ELN: variants seen among roughly 807,000 people sequenced by gnomAD.
The protein encoded by ELN is elastin, also known as tropoelastin.
Under a neutral mutation model 105.8 loss-of-function variants are expected in ELN, and 65 were observed. The ratio of observed to expected loss-of-function variants is 0.61; its 90% CI spans 0.50 to 0.75. ELN has a LOEUF of 0.75. Ranked by LOEUF, ELN falls within the 30% of genes least tolerant of loss-of-function variation. The probability of loss-of-function intolerance (pLI) is 0.00; values close to 1 mark genes in which losing one functional copy is unlikely to be tolerated. For synonymous variants in ELN, 368 were observed against 389.2 expected, an observed-to-expected ratio of 0.95 and a Z score of 0.64; for missense variants, 882 against 969.4, an observed-to-expected ratio of 0.91 and a Z score of 1.20.
At chr7:74,066,897 C>A in intron 32 of ELN, 121 bp downstream of exon 32, 1 of 1,069,536 alleles carries the variant, frequency 9.3e-7, no homozygotes, top group Non-Finnish European at 1.4e-6. Flanking sequence ...ACCCCACAGC[C>A]TCAGGTCACA....
At chr7:74,054,265 C>T (rs1031465389) in intron 18 of ELN, among the ~76,000 whole-genome samples, 1 of 151,966 alleles carries the variant, frequency 6.6e-6, no homozygotes. Flanking sequence ...GTGAGGAGTT[C>T]GAGACCAGCC....
chr7:74,061,155 A>G lies in ELN; in HGVS notation c.1786+16A>G, dbSNP rs782607519. ...GCCAAATATGGTGAGTGCACCCCACAACCACTTGTGGCTCCCTTGCCACCA... is the reference window on the plus strand; with the variant it reads ...GCCAAATATGGTGAGTGCACCCCACGACCACTTGTGGCTCCCTTGCCACCA... On this transcript the variant is annotated intron_variant, in intron 26 of 32. Coordinates refer to ENST00000252034, the MANE Select transcript of ELN (RefSeq NM_000501.4). The G allele has an allele frequency of 2.9e-5, 47 of 1,613,920 alleles. No homozygotes were observed. The highest frequency in any genetic ancestry group is 4.0e-5 in the Non-Finnish European group (47 of 1,180,016).
At chr7:74,038,152 G>A in intron 4 of ELN, 2 of 323,166 alleles carry the variant, frequency 6.2e-6, no homozygotes, top group Admixed American at 8.1e-5. Context: ...GACTTCCCCT[G>A]AGTGGTCCCC....
At chr7:74,055,211 A>G (rs1466620142) in intron 19 of ELN, among the ~76,000 whole-genome samples, 2 of 152,200 alleles carry the variant, frequency 1.3e-5, no homozygotes, top group Admixed American at 6.5e-5. Flanking sequence ...AGACCAAGGT[A>G]GGAGGATTGC....
intron 10 of ELN, 25 bp downstream of exon 10, chr7:74,045,318 C>T: frequency 1.9e-6 from 3 of 1,613,302 alleles, no homozygotes; most frequent in Non-Finnish European, 2.5e-6. Flanking sequence ...GGACAGAGGG[C>T]TGATGGCAGG....
chr7:74,040,353 G>A (rs909366978), intron 4 of ELN, among the ~76,000 whole-genome samples: 1 of 152,210 alleles, frequency 6.6e-6, no homozygotes, highest in African/African-American at 2.4e-5. Flanking sequence ...ACTCCCGCCC[G>A]GAGGCAAAGA....
chr7:74,029,897 G>A (rs1456816214), intron 1 of ELN, among the ~76,000 whole-genome samples: 1 of 152,224 alleles, frequency 6.6e-6, no homozygotes, highest in Non-Finnish European at 1.5e-5. Flanking sequence ...GTCCCCGGGG[G>A]TTAGTATCAG....
chr7:74,044,879 C>T (rs964975023), intron 9 of ELN, among the ~76,000 whole-genome samples: 12 of 152,170 alleles, frequency 7.9e-5, no homozygotes, highest in Admixed American at 2.0e-4. Context: ...CCCTGGTCTA[C>T]GGGCGAGTGG....
At chr7:74,037,789 G>A (rs1369167654) in intron 4 of ELN, 50 bp downstream of exon 4, 7 of 1,599,290 alleles carry the variant, frequency 4.4e-6, no homozygotes, top group East Asian at 2.2e-5. Flanking sequence ...GAGCTGGGGA[G>A]GGAGGAGCCT....
At chr7:74,051,598 G>T in intron 15 of ELN, 152 bp from the exon 16 acceptor site, 1 of 713,870 alleles carries the variant, frequency 1.4e-6, no homozygotes, top group Non-Finnish European at 2.4e-6. Context: ...GGAGTGGGGT[G>T]GGGGCCTCCC....
At chr7:74,057,981 C>G (rs1795692251) in intron 22 of ELN, among the ~76,000 whole-genome samples, 1 of 152,110 alleles carries the variant, frequency 6.6e-6, no homozygotes, top group South Asian at 2.1e-4. Context: ...TGAGCTCCAG[C>G]TCCCCTTGAG....
intron 19 of ELN, among the ~76,000 whole-genome samples, chr7:74,055,947 C>T (rs553117649): frequency 3.3e-5 from 5 of 150,926 alleles, no homozygotes; most frequent in South Asian, 2.1e-4. Flanking sequence ...CCACCACGCC[C>T]GGCTAATTTT....
chr7:74,056,499 C>T, intron 20 of ELN, 64 bp downstream of exon 20: 4 of 1,611,522 alleles, frequency 2.5e-6, no homozygotes, highest in Middle Eastern at 1.7e-4. Context: ...GTCTGCTCGG[C>T]TCTGCAGGGG....
At chr7:74,029,297 C>T (rs571081515) in intron 1 of ELN, among the ~76,000 whole-genome samples, 2 of 152,224 alleles carry the variant, frequency 1.3e-5, no homozygotes, top group South Asian at 4.2e-4. Context: ...GTGGCTGAGA[C>T]AGAGGCTGGA....
chr7:74,044,067 A>G (rs1791889736), intron 9 of ELN, 147 bp downstream of exon 9: 1 of 1,100,740 alleles, frequency 9.1e-7, no homozygotes. Flanking sequence ...GCATCATAGT[A>G]AGGCCCTCGT....
At chr7:74,052,523 T>C (rs181043974) in intron 17 of ELN, 110 of 188,998 alleles carry the variant, frequency 5.8e-4, no homozygotes, top group Non-Finnish European at 9.7e-4. Flanking sequence ...AGTTCAAGGC[T>C]GCAGTGAGCT....
intron 12 of ELN, among the ~76,000 whole-genome samples, chr7:74,047,060 G>T (rs532643844): frequency 1.3e-5 from 2 of 152,056 alleles, no homozygotes; most frequent in South Asian, 4.2e-4. Context: ...CTCCAGCCTG[G>T]GTAACAGAGT....
chr7:74,029,005 A>G (rs141853165), intron 1 of ELN, among the ~76,000 whole-genome samples: 2 of 152,212 alleles, frequency 1.3e-5, no homozygotes, highest in East Asian at 1.9e-4. Flanking sequence ...AGGGGTACAT[A>G]TGTCTGCTCA....
At chr7:74,052,891 A>G (rs561168919) in intron 17 of ELN, 108 of 445,648 alleles carry the variant, frequency 2.4e-4, no homozygotes, top group Middle Eastern at 1.3e-3. Flanking sequence ...GAGAGAGAGA[A>G]AGAAAGAAAG....
Sources: gnomAD v4.1 joint callset for allele counts (sites outside exome capture counted in the v4.1 genomes callset) on GRCh38, gnomAD v4.1.1 for gene constraint, MANE v1.5 for transcripts, NCBI Gene and HGNC (gene_info 2026-07-23, HGNC 2026-07-21) for gene names.